The following PPP1R1C variants were observed in gnomAD, a reference collection of about 807,000 sequenced individuals.
PPP1R1C encodes the protein protein phosphatase 1 regulatory subunit 1C.
PPP1R1C carries 15 observed loss-of-function variants against 17.4 expected under a neutral mutation model. The observed-to-expected ratio is 0.86, with a 90% CI of 0.58 to 1.33. PPP1R1C has a LOEUF of 1.33. Ranked by LOEUF, PPP1R1C falls within the 40% of genes most tolerant of loss-of-function variation. The pLI is 0.00. For missense variants in PPP1R1C, 143 were observed against 130.0 expected (o/e 1.10, Z -0.48); for synonymous variants, 35 against 43.1 (o/e 0.81, Z 0.73).
At chr2:182,024,949 C>T (rs1250840820) in intron 2 of PPP1R1C, among the ~76,000 whole-genome samples, 2 of 148,768 alleles carry the variant, frequency 1.3e-5, no homozygotes, top group Non-Finnish European at 3.0e-5. Flanking sequence ...TTAATATATT[C>T]TTCTTTTTTT....
intron 4 of PPP1R1C, among the ~76,000 whole-genome samples, chr2:182,090,673 T>A (rs1688755860): frequency 6.6e-6 from 1 of 152,124 alleles, no homozygotes; most frequent in Non-Finnish European, 1.5e-5. Flanking sequence ...GCAACGACAT[T>A]CCAGCAATTT....
intron 2 of PPP1R1C, among the ~76,000 whole-genome samples, chr2:182,042,477 C>T (rs1687215167): frequency 6.6e-6 from 1 of 152,160 alleles, no homozygotes. Flanking sequence ...TGCATCTAGC[C>T]TACCTTGCTG....
At chr2:181,983,571 G>A (rs545537784), upstream of PPP1R1C, among the ~76,000 whole-genome samples, 1 of 152,204 alleles carries the variant, frequency 6.6e-6, no homozygotes, top group Admixed American at 6.5e-5. Context: ...TGCATTTTAA[G>A]TAGTTCTTCA....
chr2:182,101,425 T>C (rs1164178765), intron 4 of PPP1R1C, among the ~76,000 whole-genome samples: 3 of 152,244 alleles, frequency 2.0e-5, no homozygotes, highest in African/African-American at 4.8e-5. Flanking sequence ...GTCCAGCTTC[T>C]GAGTACCATG....
chr2:182,036,004 C>T (rs7608147), intron 2 of PPP1R1C, among the ~76,000 whole-genome samples: 3 of 152,070 alleles, frequency 2.0e-5, no homozygotes, highest in East Asian at 3.9e-4. Context: ...CACACACACA[C>T]ACACACATTT....
At chr2:181,995,795 T>C (rs1685596470) in intron 2 of PPP1R1C, among the ~76,000 whole-genome samples, 1 of 152,028 alleles carries the variant, frequency 6.6e-6, no homozygotes, top group Non-Finnish European at 1.5e-5. Flanking sequence ...CCTGGAGCCT[T>C]GGGATTTTTC....
rs140082328 is a variant in PPP1R1C at position 182,125,258 on chromosome 2, C to T, written c.*7-3716C>T. The stretch of plus-strand genomic sequence containing the variant: ...ATCCTAGGGATGAAGCCAACTCAAT[C>T]ACAGTAGATAAGCTTTTTGCTGTGC... On this transcript the variant is annotated intron_variant, in intron 5 of 5. Transcript: ENST00000280295. Among the ~76,000 whole-genome samples, 569 of 152,236 alleles carry T rather than the reference C, an allele frequency of 3.7e-3. 7 individuals carry two copies. The highest frequency in any genetic ancestry group is 0.013 in the African/African-American group (536 of 41,536).
intron 2 of PPP1R1C, among the ~76,000 whole-genome samples, chr2:182,005,659 T>C (rs886322200): frequency 3.9e-5 from 6 of 152,232 alleles, no homozygotes; most frequent in African/African-American, 1.2e-4. Context: ...ATTTGTGTTA[T>C]TTATACAATT....
At chr2:181,958,800 A>G (rs1434757516) in intron 1 of PPP1R1C, among the ~76,000 whole-genome samples, 1 of 152,224 alleles carries the variant, frequency 6.6e-6, no homozygotes, top group East Asian at 1.9e-4. Context: ...TGTAGCATCT[A>G]GAGGGTGGTC....
At chr2:182,119,220 A>C (rs1198521872), downstream of PPP1R1C, among the ~76,000 whole-genome samples, 1 of 151,856 alleles carries the variant, frequency 6.6e-6, no homozygotes, top group Non-Finnish European at 1.5e-5. Flanking sequence ...CCATGTCCCT[A>C]CAAAGGACAT....
intron 2 of PPP1R1C, among the ~76,000 whole-genome samples, chr2:182,046,695 C>T (rs949299177): frequency 2.0e-5 from 3 of 150,490 alleles, no homozygotes; most frequent in East Asian, 1.9e-4. Flanking sequence ...GCCGAGATTG[C>T]GCCACTGCAT....
chr2:182,023,167 T>A (rs1450709527), intron 2 of PPP1R1C, among the ~76,000 whole-genome samples: 1 of 152,088 alleles, frequency 6.6e-6, no homozygotes, highest in Non-Finnish European at 1.5e-5. Context: ...AGAAAAAAAT[T>A]TATTTGTCAA....
Position 181,961,621 on chromosome 2 carries a change from G to A in PPP1R1C, n.111+6987G>A. The A allele has an allele frequency of 4.0e-6, 3 of 741,786 alleles. No homozygotes were observed. Among genetic ancestry groups the A allele is most frequent in the Non-Finnish European group, 4.9e-6 (2 of 409,412 alleles). 46.0% of individuals were successfully genotyped at this position (741,786 alleles called of 1,614,324 possible). A position where few individuals can be genotyped will look rare whatever the true frequency, so the allele number is the denominator to read the frequency against. On this transcript the variant is annotated intron_variant and non_coding_transcript_variant, in intron 1 of 5. Transcript: ENST00000464264. The surrounding 1 kb of genome is among the most constrained non-coding windows in gnomAD (Gnocchi z 5.8). ...CGTCATCTCAGCATCTCCAACCTTG[G>A]TGGACTGCGTAGTGACCACTGTGGT... is the stretch of plus-strand genomic sequence containing the variant.
intron 4 of PPP1R1C, chr2:182,064,025 C>T (rs373030827): frequency 4.5e-6 from 2 of 446,814 alleles, no homozygotes; most frequent in African/African-American, 4.0e-5. Flanking sequence ...TCTAGAAATT[C>T]AGTTTCCAAA....
At chr2:182,074,039 TTC>T (rs1423900575) in intron 4 of PPP1R1C, among the ~76,000 whole-genome samples, 18 of 142,334 alleles carry the variant, frequency 1.3e-4, no homozygotes, top group African/African-American at 4.3e-4. Flanking sequence ...AAAATTCTTC[TTC>T]TTTTTTTTTT....
rs1335681308 is a variant in PPP1R1C at position 181,986,207 on chromosome 2, T to A, written c.81+16T>A. 1 of 1,576,634 alleles carries A rather than the reference T, an allele frequency of 6.3e-7. No individual in the cohort carries two copies. ...AGCAGAGCAGGTATGTGAAATTGCA[T>A]GGAGAACCATTCCTGTACATAAGGT... On this transcript the variant is annotated intron_variant, in intron 1 of 4. Coordinates refer to ENST00000682840, the MANE Select transcript of PPP1R1C (RefSeq NM_001080545.3).
At chr2:182,119,578 A>C (rs1689680466), downstream of PPP1R1C, among the ~76,000 whole-genome samples, 1 of 152,106 alleles carries the variant, frequency 6.6e-6, no homozygotes, top group Non-Finnish European at 1.5e-5. Context: ...TTGTTTCCTG[A>C]CTTTTTAATG....
intron 1 of PPP1R1C, among the ~76,000 whole-genome samples, chr2:181,972,041 C>T (rs1216867024): frequency 6.6e-6 from 1 of 152,202 alleles, no homozygotes; most frequent in Non-Finnish European, 1.5e-5. Context: ...TGTGATTGCT[C>T]ACATGATTTT....
rs1299381653 is a variant in PPP1R1C at position 181,962,223 on chromosome 2, T to C, written n.111+7589T>C. Reference sequence around the variant, plus strand: ...TAGGAGGCCAGACGGTCATTCAGGCTTTGCATTGTCTCCTTCTTATTCTGG... The same window carrying C: ...TAGGAGGCCAGACGGTCATTCAGGCCTTGCATTGTCTCCTTCTTATTCTGG... On this transcript the variant is annotated intron_variant and non_coding_transcript_variant, in intron 1 of 5. Transcript: ENST00000464264. This position sits in a 1 kb window ranked among gnomAD's most constrained non-coding sequence, Gnocchi z 6.0. 2.7e-6 allele frequency: 2 copies of C among 734,826 alleles called. No individual in the cohort carries two copies. The highest frequency in any genetic ancestry group is 2.6e-5 in the East Asian group (1 of 38,686). 45.5% of individuals were successfully genotyped at this position (734,826 alleles called of 1,614,324 possible).
Sources: allele counts gnomAD v4.1 joint callset (sites outside exome capture counted in the v4.1 genomes callset), GRCh38; gene constraint gnomAD v4.1.1; non-coding constraint Gnocchi (gnomAD v3.1); transcripts MANE v1.5; gene names NCBI Gene and HGNC (gene_info 2026-07-23, HGNC 2026-07-21).